The following EYA2 variants were observed in gnomAD, a reference collection of about 807,000 sequenced individuals.
The protein encoded by EYA2 is protein phosphatase EYA2.
A neutral mutation model predicts 69.2 loss-of-function variants in EYA2; 31 were observed. That is an observed-to-expected ratio of 0.45 (90% CI 0.34 to 0.60). The LOEUF is 0.60. EYA2 is among the 20% of genes least tolerant of loss of function. The pLI, the probability that EYA2 is intolerant of heterozygous loss-of-function variation, is 0.02. For synonymous variants in EYA2, 257 were observed against 279.4 expected, an observed-to-expected ratio of 0.92 and a Z score of 0.80; for missense variants, 622 against 701.2, an observed-to-expected ratio of 0.89 and a Z score of 1.28.
At chr20:47,149,779 G>A (rs2033786210) in intron 10 of EYA2, among the ~76,000 whole-genome samples, 1 of 151,078 alleles carries the variant, frequency 6.6e-6, no homozygotes, top group African/African-American at 2.4e-5. Context: ...CAGAAACCAG[G>A]AGGCGGAGGT....
In EYA2 at chr20:46,916,307, C is replaced by T. The variant is rs1052733734; in HGVS notation, c.-11+21320C>T. On this transcript the variant is annotated intron_variant, in intron 1 of 15. Transcript: ENST00000327619. ...TTTTAAAAGTTGAAATGGTCTTTAA[C>T]TGCTCGAGAAAGGGTGTATGTGAAT... Among the ~76,000 whole-genome samples the T allele has an allele frequency of 1.9e-4, 29 of 152,120 alleles. 1 individual carries two copies. The highest frequency in any genetic ancestry group is 4.4e-5 in the Non-Finnish European group (3 of 68,034).
chr20:47,149,998 G>A (rs1285034834), intron 10 of EYA2, among the ~76,000 whole-genome samples: 1 of 152,252 alleles, frequency 6.6e-6, no homozygotes, highest in Non-Finnish European at 1.5e-5. Context: ...CTGGAAGCCA[G>A]GAGGTGTGCC....
At chr20:47,057,511 C>CCT (rs1491219439) in intron 5 of EYA2, among the ~76,000 whole-genome samples, 1 of 80,714 alleles carries the variant, frequency 1.2e-5, no homozygotes, top group African/African-American at 7.3e-5. Flanking sequence ...TTTTATATCA[C>CCT]CCCCCCCCCC....
rs60236008 is a variant in EYA2, at chr20:46,937,970, A to G, written c.-11+42983A>G. ...TGATTTAAGAGCTGTGTATACATCAATCCACTCACCACAATCCTATGAGAT... is the reference window on the plus strand; with the variant it reads ...TGATTTAAGAGCTGTGTATACATCAGTCCACTCACCACAATCCTATGAGAT... On this transcript the variant is annotated intron_variant, in intron 1 of 15. Transcript: ENST00000327619. Among the ~76,000 whole-genome samples, 470 of 152,268 alleles carry G rather than the reference A, an allele frequency of 3.1e-3. 3 individuals carry two copies. Among genetic ancestry groups the G allele is most frequent in the African/African-American group, 0.011 (449 of 41,556 alleles).
At chr20:46,904,389 C>T (rs1984256301) in intron 1 of EYA2, among the ~76,000 whole-genome samples, 1 of 149,296 alleles carries the variant, frequency 6.7e-6, no homozygotes, top group South Asian at 2.1e-4. Context: ...AACTGCCAAA[C>T]AGATTTAAAA....
At chr20:47,117,481 G>A (rs922709345) in intron 9 of EYA2, 19 of 985,244 alleles carry the variant, frequency 1.9e-5, no homozygotes, top group African/African-American at 5.2e-5. Flanking sequence ...TGCCCTCTCC[G>A]TTCCACCACA....
At chr20:47,034,744 G>A (rs978918730) in intron 5 of EYA2, among the ~76,000 whole-genome samples, 4 of 152,210 alleles carry the variant, frequency 2.6e-5, no homozygotes, top group African/African-American at 9.6e-5. Context: ...TAAGTTTATT[G>A]TCTCACAGTT....
chr20:46,909,287 A>G (rs1984531401), intron 1 of EYA2, among the ~76,000 whole-genome samples: 1 of 152,090 alleles, frequency 6.6e-6, no homozygotes, highest in African/African-American at 2.4e-5. Context: ...TACAGACAAA[A>G]GGGGGAAAGT....
intron 5 of EYA2, among the ~76,000 whole-genome samples, chr20:47,039,835 C>CTTTTTTTTTTTTTTTTT (rs10689930): frequency 4.3e-5 from 3 of 69,804 alleles, no homozygotes; most frequent in African/African-American, 6.1e-5. Flanking sequence ...AGATCAAATA[C>CTTTTTTTTTTTTTTTTT]TTTTTTTTTT....
intron 4 of EYA2, among the ~76,000 whole-genome samples, chr20:47,013,785 T>C (rs746712938): frequency 6.6e-6 from 1 of 152,204 alleles, no homozygotes; most frequent in Admixed American, 6.5e-5. Context: ...TGAGGCAGAC[T>C]GTACCCAATG....
chr20:47,058,112 A>G (rs112751801), intron 5 of EYA2, among the ~76,000 whole-genome samples: 36 of 21,380 alleles, frequency 1.7e-3, no homozygotes, highest in African/African-American at 0.012. Flanking sequence ...GGTTTGGCCC[A>G]GGAAAAGGAG....
intron 1 of EYA2, among the ~76,000 whole-genome samples, chr20:46,989,466 ACCATGTTGG>A (rs1369879782): frequency 6.6e-6 from 1 of 151,978 alleles, no homozygotes; most frequent in Non-Finnish European, 1.5e-5. Flanking sequence ...ACGGCATTTC[ACCATGTTGG>A]CCAGGATGGT....
At chr20:47,149,391 C>T (rs1022866939) in intron 10 of EYA2, among the ~76,000 whole-genome samples, 11 of 152,158 alleles carry the variant, frequency 7.2e-5, no homozygotes, top group African/African-American at 2.7e-4. Flanking sequence ...ACCACCGAAA[C>T]TCTCTGGTGA....
In EYA2 at chr20:47,072,272, G is replaced by T; in HGVS notation, c.483+20G>T. On this transcript the variant is annotated intron_variant, in intron 6 of 15. Transcript: ENST00000327619. ...CACCAGGTAGACATGGCTCCCTCCC[G>T]ATTCTTTCCTCAGTTCTTTCTGGAA... 1 of 1,600,444 alleles carries T rather than the reference G, an allele frequency of 6.2e-7. No homozygotes were observed. The highest frequency in any genetic ancestry group is 8.5e-7 in the Non-Finnish European group (1 of 1,171,852).
intron 5 of EYA2, among the ~76,000 whole-genome samples, chr20:47,039,519 T>G (rs571423276): frequency 1.3e-5 from 2 of 152,308 alleles, no homozygotes; most frequent in South Asian, 4.1e-4. Context: ...TCCCGTCCCC[T>G]GATCTAGACC....
At chr20:47,156,127 C>CATATAT (rs752111640) in intron 10 of EYA2, among the ~76,000 whole-genome samples, 12 of 14,620 alleles carry the variant, frequency 8.2e-4, no homozygotes, top group Admixed American at 2.0e-3. Context: ...CACACACACA[C>CATATAT]ATATATATAT....
At chr20:46,930,332 G>A (rs928753000) in intron 1 of EYA2, among the ~76,000 whole-genome samples, 4 of 152,200 alleles carry the variant, frequency 2.6e-5, no homozygotes, top group African/African-American at 9.6e-5. Flanking sequence ...TGTGCTAAAG[G>A]CTTTTTATAA....
intron 5 of EYA2, among the ~76,000 whole-genome samples, chr20:47,052,726 A>G (rs1389653230): frequency 2.6e-5 from 4 of 151,976 alleles, no homozygotes; most frequent in South Asian, 2.1e-4. Context: ...GGTTCAAGCA[A>G]TCCTCCTGCC....
intron 5 of EYA2, among the ~76,000 whole-genome samples, chr20:47,053,887 G>A (rs894256825): frequency 2.1e-4 from 32 of 151,740 alleles, no homozygotes; most frequent in African/African-American, 6.8e-4. Flanking sequence ...GTTAGGATCC[G>A]AGTAGAGTCG....
Sources: gnomAD v4.1 joint callset for allele counts (sites outside exome capture counted in the v4.1 genomes callset) on GRCh38, gnomAD v4.1.1 for gene constraint, MANE v1.5 for transcripts, NCBI Gene and HGNC (gene_info 2026-07-23, HGNC 2026-07-21) for gene names.